Variants in HACD1 observed in about 807,000 individuals in gnomAD.
HACD1 encodes very-long-chain (3R)-3-hydroxyacyl-CoA dehydratase 1.
A neutral mutation model predicts 32.0 loss-of-function variants in HACD1; 41 were observed. The ratio of observed to expected loss-of-function variants is 1.28; its 90% CI spans 1.00 to 1.66. The LOEUF (loss-of-function observed/expected upper bound fraction) is 1.66. HACD1 is among the 40% of genes most tolerant of loss of function. The pLI is 0.00. For missense variants in HACD1, 396 were observed against 380.1 expected, an observed-to-expected ratio of 1.04 and a Z score of -0.35; for synonymous variants, 142 against 139.0, an observed-to-expected ratio of 1.02 and a Z score of -0.15.
At chr10:17,613,491 C>T (rs1288877041) in intron 1 of HACD1, among the ~76,000 whole-genome samples, 2 of 152,168 alleles carry the variant, frequency 1.3e-5, no homozygotes, top group Non-Finnish European at 2.9e-5. Flanking sequence ...ATACATCAGG[C>T]TTGCATATCA....
intron 1 of HACD1, among the ~76,000 whole-genome samples, chr10:17,612,421 T>C (rs1483393711): frequency 6.6e-6 from 1 of 152,194 alleles, no homozygotes; most frequent in Non-Finnish European, 1.5e-5. Context: ...CATTCAAATA[T>C]TTATTGAGTA....
chr10:17,614,652 C>A (rs1232128116), intron 1 of HACD1, among the ~76,000 whole-genome samples: 2 of 151,270 alleles, frequency 1.3e-5, no homozygotes, highest in Admixed American at 1.3e-4. Flanking sequence ...GGGGTTGGGG[C>A]TGTAGTAAGC....
chr10:17,609,356 T>C (rs1554817296), intron 1 of HACD1, among the ~76,000 whole-genome samples: 1 of 151,990 alleles, frequency 6.6e-6, no homozygotes, highest in Non-Finnish European at 1.5e-5. Flanking sequence ...GGTTTCACCG[T>C]GTTAGCCAGA....
At chr10:17,612,230 C>G (rs1450823842) in intron 1 of HACD1, among the ~76,000 whole-genome samples, 1 of 151,720 alleles carries the variant, frequency 6.6e-6, no homozygotes, top group African/African-American at 2.4e-5. Flanking sequence ...AGCAAAATGT[C>G]GTTAGGCGCA....
chr10:17,604,227 T>C (rs539021493), intron 1 of HACD1, among the ~76,000 whole-genome samples, 180 bp from the exon 2 acceptor site: 1 of 152,274 alleles, frequency 6.6e-6, no homozygotes, highest in Admixed American at 6.5e-5. Context: ...GGCTCATGCC[T>C]GTAATCCCCG....
Position 17,599,329 on chromosome 10 carries a change from CTGAA to C in HACD1, c.562_565del (p.Phe188AlafsTer40). ...GAAGTATGGCAAGTGGTCAAGAAGG[CTGAA>C]TGTGTAGAAGGAATAGCGAGTGATC... is the stretch of plus-strand genomic sequence containing the variant. On this transcript the variant is annotated frameshift_variant, in exon 5 of 7. Coordinates refer to ENST00000361271, the MANE Select transcript of HACD1 (RefSeq NM_014241.4). LOFTEE classifies it high-confidence loss of function. 4 of 1,613,982 alleles carry C rather than the reference CTGAA, an allele frequency of 2.5e-6. No homozygotes were observed. Among genetic ancestry groups the C allele is most frequent in the Non-Finnish European group, 3.4e-6 (4 of 1,180,000 alleles).
chr10:17,591,976 A>ATTTTTTTTTTTTTTTTTTTTTT lies in HACD1; in HGVS notation c.785-1552_785-1531dup, dbSNP rs71393019. Among the ~76,000 whole-genome samples, 13 of 96,954 alleles carry ATTTTTTTTTTTTTTTTTTTTTT rather than the reference A, an allele frequency of 1.3e-4. 3 individuals are homozygous for ATTTTTTTTTTTTTTTTTTTTTT. The highest frequency in any genetic ancestry group is 4.0e-4 in the African/African-American group (9 of 22,302). The allele number at this position is 96,954 out of a possible 152,430, so 63.6% of individuals were successfully genotyped here. A position where few individuals can be genotyped will look rare whatever the true frequency, so the allele number is the denominator to read the frequency against. On this transcript the variant is annotated intron_variant, in intron 6 of 6. Transcript: ENST00000361271. ...CCCTGCCTTAACTCACCAGCTACTG[A>ATTTTTTTTTTTTTTTTTTTTTT]TTTTTTTTTTTTTTTTTTTTTTTGA...
In HACD1 at chr10:17,617,250, A is replaced by G. The variant is rs781846248; in HGVS notation, c.90T>C (p.Ser30=). Residue 30 remains serine (S), a synonymous_variant, in exon 1 of 7, where the codon TCT becomes TCC. Coordinates refer to ENST00000361271, the MANE Select transcript of HACD1 (RefSeq NM_014241.4). ...TGGCCGCGCACCTGGGGGACGTGGG[A>G]GACAGCGGCAGGAGCGTGGGAGGGG... ...AGSPPTLLPL[S]PTSPRCAATM... 1 of 1,479,736 alleles carries G rather than the reference A, an allele frequency of 6.8e-7. No individual in the cohort carries two copies. The highest frequency in any genetic ancestry group is 1.3e-5 in the South Asian group (1 of 78,870). 91.7% of individuals were successfully genotyped at this position (1,479,736 alleles called of 1,614,324 possible). A position where few individuals can be genotyped will look rare whatever the true frequency, so the allele number is the denominator to read the frequency against.
In HACD1 at chr10:17,589,648, AT is replaced by A. The variant is rs1564502692; in HGVS notation, c.*715del. 2 of 152,002 alleles carry A rather than the reference AT, an allele frequency of 1.3e-5. No individual in the cohort carries two copies. Among genetic ancestry groups the A allele is most frequent in the Admixed American group, 1.3e-4 (2 of 15,232 alleles). The allele number at this position is 152,002 out of a possible 1,614,324, so 9.4% of individuals were successfully genotyped here. Reference sequence around the variant, plus strand: ...TTTTTTAATAGTGGGGCAAATACTTATGCTCTTCCTAACCCCTTAAAACCTT... The same window carrying A: ...TTTTTTAATAGTGGGGCAAATACTTAGCTCTTCCTAACCCCTTAAAACCTT... On this transcript the variant is annotated 3_prime_UTR_variant, in exon 7 of 7. Coordinates refer to ENST00000361271, the MANE Select transcript of HACD1 (RefSeq NM_014241.4).
At chr10:17,593,558 A>T (rs1588983122) in intron 6 of HACD1, among the ~76,000 whole-genome samples, 1 of 152,184 alleles carries the variant, frequency 6.6e-6, no homozygotes, top group Non-Finnish European at 1.5e-5. Flanking sequence ...CAGGTGATCC[A>T]CCTGCCTCGG....
Position 17,603,708 on chromosome 10 carries a change from A to T in HACD1, c.394+18T>A, listed in dbSNP as rs1207677376. On this transcript the variant is annotated intron_variant, in intron 3 of 6. Transcript: ENST00000361271. ...AGGCAATTTATAATAAAAGTATAAAATTGAAGCAAAAACTCACCAATTAAA... is the reference window on the plus strand; with the variant it reads ...AGGCAATTTATAATAAAAGTATAAATTTGAAGCAAAAACTCACCAATTAAA... The T allele has an allele frequency of 1.2e-6, 2 of 1,604,340 alleles. No individual in the cohort carries two copies. Among genetic ancestry groups the T allele is most frequent in the African/African-American group, 2.7e-5 (2 of 74,586 alleles).
At chr10:17,606,756 AC>A (rs1273562299) in intron 1 of HACD1, among the ~76,000 whole-genome samples, 2 of 152,228 alleles carry the variant, frequency 1.3e-5, no homozygotes, top group Admixed American at 1.3e-4. Context: ...ATCTGAAAGG[AC>A]CACAAGGACC....
chr10:17,610,913 C>T (rs782278181), intron 1 of HACD1, among the ~76,000 whole-genome samples: 4 of 151,800 alleles, frequency 2.6e-5, no homozygotes, highest in African/African-American at 4.8e-5. Flanking sequence ...AAAATCCAAA[C>T]ATGTTAGCAA....
rs781846248 is a variant in HACD1 at position 17,617,250 on chromosome 10, A to C, written c.90T>G (p.Ser30=). Residue 30 remains serine (S), a synonymous_variant, in exon 1 of 7, where the codon TCT becomes TCG. Transcript: ENST00000361271. ...TGGCCGCGCACCTGGGGGACGTGGG[A>C]GACAGCGGCAGGAGCGTGGGAGGGG... ...AGSPPTLLPL[S]PTSPRCAATM... The C allele has an allele frequency of 3.4e-6, 5 of 1,479,630 alleles. No individual in the cohort carries two copies. Among genetic ancestry groups the C allele is most frequent in the African/African-American group, 1.5e-5 (1 of 68,170 alleles). 91.7% of individuals were successfully genotyped at this position (1,479,630 alleles called of 1,614,324 possible).
At chr10:17,609,840 C>T (rs558325348) in intron 1 of HACD1, among the ~76,000 whole-genome samples, 1 of 151,962 alleles carries the variant, frequency 6.6e-6, no homozygotes, top group East Asian at 1.9e-4. Context: ...AAAAATTAGC[C>T]AGGCATGGTG....
At chr10:17,606,917 T>A (rs1834156200) in intron 1 of HACD1, among the ~76,000 whole-genome samples, 1 of 152,160 alleles carries the variant, frequency 6.6e-6, no homozygotes, top group Non-Finnish European at 1.5e-5. Context: ...TCTTCTATTA[T>A]CCTATTTCAC....
chr10:17,612,467 C>T (rs1832998809), intron 1 of HACD1, among the ~76,000 whole-genome samples: 1 of 152,054 alleles, frequency 6.6e-6, no homozygotes, highest in African/African-American at 2.4e-5. Context: ...AGATGACAGA[C>T]AATAAGCATT....
At chr10:17,611,314 G>A (rs1321412931) in intron 1 of HACD1, among the ~76,000 whole-genome samples, 1 of 152,064 alleles carries the variant, frequency 6.6e-6, no homozygotes, top group Non-Finnish European at 1.5e-5. Context: ...TCTTCTTGAT[G>A]CCTCAACAGA....
chr10:17,604,675 T>C (rs1834121148), intron 1 of HACD1, among the ~76,000 whole-genome samples: 1 of 152,122 alleles, frequency 6.6e-6, no homozygotes, highest in African/African-American at 2.4e-5. Context: ...TTTTTTGCAT[T>C]ATGTGTTGCT....
Sources: allele counts gnomAD v4.1 joint callset (sites outside exome capture counted in the v4.1 genomes callset), GRCh38; gene constraint gnomAD v4.1.1; transcripts MANE v1.5; gene names NCBI Gene and HGNC (gene_info 2026-07-23, HGNC 2026-07-21).